SIRT1: variants seen among roughly 807,000 people sequenced by gnomAD.
SIRT1 encodes sirtuin 1.
SIRT1 carries 24 observed loss-of-function variants against 67.9 expected under a neutral mutation model. The observed-to-expected ratio is 0.35, with a 90% CI of 0.26 to 0.50. The LOEUF (loss-of-function observed/expected upper bound fraction) is 0.50, where lower values mean the gene tolerates loss of function less well. SIRT1 is among the 20% of genes least tolerant of loss of function. The pLI is 0.98. For missense variants in SIRT1, 873 were observed against 937.2 expected, an observed-to-expected ratio of 0.93 and a Z score of 0.89; for synonymous variants, 378 against 350.7, an observed-to-expected ratio of 1.08 and a Z score of -0.87.
chr10:67,913,321 C>G (rs1180592151), intron 8 of SIRT1, among the ~76,000 whole-genome samples: 1 of 152,104 alleles, frequency 6.6e-6, no homozygotes, highest in Non-Finnish European at 1.5e-5. Flanking sequence ...TACTGTAGGT[C>G]AGCTGCTTTA....
rs752297241 is a variant in SIRT1, at chr10:67,906,894, G to A, written c.1047G>A (p.Thr349=). ...GCAACTATACCCAGAACATAGACAC[G>A]CTGGAACAGGTTGCGGGAATCCAAA... ...LLRNYTQNID[T]LEQVAGIQRI... Residue 349 remains threonine, a synonymous_variant, in exon 5 of 9, where the codon ACG becomes ACA. Coordinates refer to ENST00000212015, the MANE Select transcript of SIRT1 (RefSeq NM_012238.5). The A allele has an allele frequency of 2.0e-5, 33 of 1,610,608 alleles. No individual in the cohort carries two copies. Among genetic ancestry groups the A allele is most frequent in the Middle Eastern group, 1.6e-4 (1 of 6,078 alleles).
chr10:67,886,291 C>T lies in SIRT1; in HGVS notation c.431-1126C>T, dbSNP rs904691953. Among the ~76,000 whole-genome samples, 11 of 150,582 alleles carry T rather than the reference C, an allele frequency of 7.3e-5. No individual in the cohort carries two copies. The South Asian group carries it at 2.4e-3, about 33-fold the overall frequency. On this transcript the variant is annotated intron_variant, in intron 1 of 8. Coordinates refer to ENST00000212015, the MANE Select transcript of SIRT1 (RefSeq NM_012238.5). ...GTTTCTATCCTTGATAGGTGTTCAT[C>T]TTTATCAATATTTGGGTCAGGCCGG... is the stretch of plus-strand genomic sequence containing the variant.
intron 4 of SIRT1, among the ~76,000 whole-genome samples, chr10:67,898,630 A>G (rs1275839901): frequency 6.6e-6 from 1 of 152,214 alleles, no homozygotes; most frequent in Admixed American, 6.5e-5. Flanking sequence ...TTATATATCT[A>G]TACGTTTATA....
intron 4 of SIRT1, among the ~76,000 whole-genome samples, chr10:67,894,257 TAACTTAA>T: frequency 6.6e-6 from 1 of 152,380 alleles, no homozygotes; most frequent in Non-Finnish European, 1.5e-5. Context: ...AGAGAATTTT[TAACTTAA>T]AACTTATATA....
rs902193395 is a variant in SIRT1 at position 67,906,018 on chromosome 10, A to G, written c.943-772A>G. 2.3e-5 allele frequency: 14 copies of G among 613,074 alleles called. No homozygotes were observed. In the Admixed American group the frequency reaches 4.3e-4, roughly 19 times the overall value. 38.0% of individuals were successfully genotyped at this position (613,074 alleles called of 1,614,324 possible). A position where few individuals can be genotyped will look rare whatever the true frequency, so the allele number is the denominator to read the frequency against. On this transcript the variant is annotated intron_variant, in intron 4 of 8. Coordinates refer to ENST00000212015, the MANE Select transcript of SIRT1 (RefSeq NM_012238.5). Reference sequence around the variant, plus strand: ...ATGATAGCACTACTACTTTGAAGGAAAAAGTAGAGAATAAACTTCCTTTGC... The same window carrying G: ...ATGATAGCACTACTACTTTGAAGGAGAAAGTAGAGAATAAACTTCCTTTGC...
chr10:67,908,634 T>C (rs1030717727), intron 6 of SIRT1, among the ~76,000 whole-genome samples: 3 of 152,192 alleles, frequency 2.0e-5, no homozygotes, highest in Admixed American at 6.5e-5. Flanking sequence ...TCGGGTGCAG[T>C]GGCTCATGCT....
intron 5 of SIRT1, 80 bp downstream of exon 5, chr10:67,907,017 G>A (rs1471622346): frequency 3.4e-6 from 4 of 1,184,212 alleles, no homozygotes; most frequent in African/African-American, 1.6e-5. Context: ...GACTGCCATC[G>A]AGAAGTGGAG....
At chr10:67,896,761 CAA>C (rs35899726) in intron 4 of SIRT1, among the ~76,000 whole-genome samples, 134 of 56,738 alleles carry the variant, frequency 2.4e-3, no homozygotes, top group East Asian at 0.012. Context: ...GAATCTGTCT[CAA>C]AAAAAAAAAA....
rs373106228 is a variant in SIRT1, at chr10:67,905,069, A to G, written c.943-1721A>G. Among the ~76,000 whole-genome samples, 9 of 151,920 alleles carry G rather than the reference A, an allele frequency of 5.9e-5. No homozygotes were observed. In the East Asian group the frequency reaches 7.8e-4, roughly 13 times the overall value. On this transcript the variant is annotated intron_variant, in intron 4 of 8. Transcript: ENST00000212015. ...CTCTTTTTCCCTGACCTTGCTTTGG[A>G]GTTATTTTATTTTTTAAATTCTGCA...
rs1372335738 is a variant in SIRT1, at chr10:67,906,261, C to A, written c.943-529C>A. The A allele has an allele frequency of 3.2e-6, 5 of 1,585,854 alleles. No homozygotes were observed. In the South Asian group the frequency reaches 5.8e-5, roughly 18 times the overall value. On this transcript the variant is annotated intron_variant, in intron 4 of 8. Transcript: ENST00000212015. Reference sequence around the variant, plus strand: ...AACTCTATACTATACCAGTATGTGCCTGTGCAGTGGAAGGAAAACAATTTT... The same window carrying A: ...AACTCTATACTATACCAGTATGTGCATGTGCAGTGGAAGGAAAACAATTTT...
At chr10:67,912,043 C>T (rs1475054211) in intron 7 of SIRT1, among the ~76,000 whole-genome samples, 3 of 152,130 alleles carry the variant, frequency 2.0e-5, no homozygotes, top group African/African-American at 7.2e-5. Flanking sequence ...GGATTACAGG[C>T]GTGAGCCACT....
chr10:67,887,487 A>G lies in SIRT1; in HGVS notation c.501A>G (p.Arg167=). The G allele has an allele frequency of 6.2e-7, 1 of 1,613,900 alleles. No individual in the cohort carries two copies. The highest frequency in any genetic ancestry group is 8.5e-7 in the Non-Finnish European group (1 of 1,179,808). Reference sequence around the variant, plus strand: ...CCTGTGAAAGTGATGAGGAGGATAGAGCCTCACATGCAAGCTCTAGTGACT... The same window carrying G: ...CCTGTGAAAGTGATGAGGAGGATAGGGCCTCACATGCAAGCTCTAGTGACT... ...FHSCESDEED[R]ASHASSSDWT... is the part of the protein sequence containing the mutation. Residue 167 remains arginine (R), a synonymous_variant, in exon 2 of 9, where the codon AGA becomes AGG. Coordinates refer to ENST00000212015, the MANE Select transcript of SIRT1 (RefSeq NM_012238.5).
intron 4 of SIRT1, among the ~76,000 whole-genome samples, chr10:67,897,203 T>C (rs1232951809): frequency 6.6e-6 from 1 of 151,870 alleles, no homozygotes; most frequent in African/African-American, 2.4e-5. Context: ...TACAGTGTGC[T>C]TAGCTGTGGT....
intron 8 of SIRT1, among the ~76,000 whole-genome samples, chr10:67,915,689 ATAGT>A (rs1315475336): frequency 1.3e-5 from 2 of 152,382 alleles, no homozygotes; most frequent in Non-Finnish European, 2.9e-5. Context: ...AAAAGTTAAA[ATAGT>A]TAATGAAGAT....
chr10:67,909,162 G>T, intron 6 of SIRT1, 94 bp from the exon 7 acceptor site: 9 of 759,948 alleles, frequency 1.2e-5, no homozygotes, highest in South Asian at 7.1e-5. Flanking sequence ...TAATAATTCT[G>T]AAATGTATTC....
chr10:67,913,724 T>G (rs1842935493), intron 8 of SIRT1, among the ~76,000 whole-genome samples: 2 of 152,142 alleles, frequency 1.3e-5, no homozygotes, highest in African/African-American at 4.8e-5. Flanking sequence ...CTAACTTATG[T>G]TAAAAAAAAG....
At chr10:67,914,626 G>C (rs1428434655) in intron 8 of SIRT1, among the ~76,000 whole-genome samples, 1 of 152,162 alleles carries the variant, frequency 6.6e-6, no homozygotes, top group Admixed American at 6.5e-5. Flanking sequence ...AACTTTTCTT[G>C]AATGTCATTT....
At chr10:67,893,233 A>G (rs1173016061) in intron 4 of SIRT1, among the ~76,000 whole-genome samples, 1 of 152,188 alleles carries the variant, frequency 6.6e-6, no homozygotes, top group Non-Finnish European at 1.5e-5. Flanking sequence ...GCATCTATCA[A>G]CCTGTCATCT....
chr10:67,915,495 C>T (rs1170050131), intron 8 of SIRT1, among the ~76,000 whole-genome samples: 1 of 152,118 alleles, frequency 6.6e-6, no homozygotes, highest in Non-Finnish European at 1.5e-5. Flanking sequence ...TCAAAAGCGT[C>T]TTAGACTGTA....
Sources: gnomAD v4.1 joint callset for allele counts (sites outside exome capture counted in the v4.1 genomes callset) on GRCh38, gnomAD v4.1.1 for gene constraint, MANE v1.5 for transcripts, NCBI Gene and HGNC (gene_info 2026-07-23, HGNC 2026-07-21) for gene names.